Variants in DENND5A observed in about 807,000 individuals in gnomAD.
The protein encoded by DENND5A is DENN domain containing 5A, also known as DENN domain-containing protein 5A.
Under a neutral mutation model 140.3 loss-of-function variants are expected in DENND5A, and 64 were observed. The ratio of observed to expected loss-of-function variants is 0.46; its 90% CI spans 0.37 to 0.56. DENND5A has a LOEUF of 0.56. Ranked by LOEUF, DENND5A falls within the 20% of genes least tolerant of loss-of-function variation. The pLI, the probability that DENND5A is intolerant of heterozygous loss-of-function variation, is 0.00. For synonymous variants in DENND5A, 605 were observed against 607.7 expected (o/e 1.00, Z 0.07); for missense variants, 1,292 against 1,593.8 (o/e 0.81, Z 3.22).
chr11:9,142,395 G>C (rs1403062648), intron 21 of DENND5A, among the ~76,000 whole-genome samples: 1 of 152,192 alleles, frequency 6.6e-6, no homozygotes, highest in South Asian at 2.1e-4. Flanking sequence ...CCATATGGGT[G>C]CAACACAGGG....
chr11:9,178,455 G>T (rs1848618133), intron 7 of DENND5A, 89 bp from the exon 8 acceptor site: 1 of 788,318 alleles, frequency 1.3e-6, no homozygotes. Context: ...TATTCTCTGA[G>T]GCTGCCTAGG....
intron 1 of DENND5A, among the ~76,000 whole-genome samples, chr11:9,238,337 G>A (rs865995694): frequency 2.2e-5 from 3 of 137,242 alleles, no homozygotes; most frequent in Non-Finnish European, 4.6e-5. Context: ...TCTGGGTGAT[G>A]ATTAAATGCA....
At chr11:9,250,929 T>C (rs763657172) in intron 1 of DENND5A, among the ~76,000 whole-genome samples, 1 of 151,434 alleles carries the variant, frequency 6.6e-6, no homozygotes, top group Non-Finnish European at 1.5e-5. Flanking sequence ...AGGTCAGGAG[T>C]TCGAGGCCAG....
At chr11:9,224,848 A>C (rs1307221094) in intron 1 of DENND5A, among the ~76,000 whole-genome samples, 3 of 138,606 alleles carry the variant, frequency 2.2e-5, no homozygotes, top group Non-Finnish European at 4.6e-5. Flanking sequence ...ACAGAGCAAG[A>C]CTCCATCCAA....
At chr11:9,232,397 G>C (rs1458378681) in intron 1 of DENND5A, among the ~76,000 whole-genome samples, 2 of 151,898 alleles carry the variant, frequency 1.3e-5, no homozygotes, top group Non-Finnish European at 2.9e-5. Flanking sequence ...AAGAAAAAAA[G>C]ATCACTCAAA....
rs757836167 is a variant in DENND5A at position 9,145,803 on chromosome 11, T to C, written c.2870A>G (p.His957Arg). The change falls in exon 17 of 23, where the codon CAC (histidine) becomes CGC (arginine). Residue 957 changes from histidine (H) to arginine (R), a missense_variant. Around this residue, in one of 4 missense-constraint regions of DENND5A, gnomAD observed 498 missense variants for 689.7 expected, o/e 0.72. Coordinates refer to ENST00000328194, the MANE Select transcript of DENND5A (RefSeq NM_015213.4). ...NVFTTILIPY[H>R]ILIVPSKKLG... ...CTTCTTGCTTGGTACGATCAGAATGTGGTACGGGATCACTGTTTAGGGGAA... is the reference window on the plus strand; with the variant it reads ...CTTCTTGCTTGGTACGATCAGAATGCGGTACGGGATCACTGTTTAGGGGAA... 3.7e-6 allele frequency: 6 copies of C among 1,614,186 alleles called. No individual in the cohort carries two copies. The African/African-American group carries it at 8.0e-5, about 22-fold the overall frequency.
chr11:9,165,054 C>A (rs573199996), intron 11 of DENND5A, among the ~76,000 whole-genome samples: 64 of 152,294 alleles, frequency 4.2e-4, no homozygotes, highest in Admixed American at 1.8e-3. Context: ...GGCTGGAGTG[C>A]AATGGCGCGA....
chr11:9,151,935 C>A (rs529578909), intron 13 of DENND5A, among the ~76,000 whole-genome samples: 7 of 152,170 alleles, frequency 4.6e-5, no homozygotes, highest in Non-Finnish European at 8.8e-5. Context: ...ATCATTCACA[C>A]CAGGACTTGA....
chr11:9,256,297 T>TA (rs1440736374), intron 1 of DENND5A, among the ~76,000 whole-genome samples: 1 of 151,850 alleles, frequency 6.6e-6, no homozygotes, highest in Non-Finnish European at 1.5e-5. Context: ...CCGTCTCTAC[T>TA]AAAAATACAA....
intron 12 of DENND5A, among the ~76,000 whole-genome samples, chr11:9,158,981 C>G (rs1285132294): frequency 1.3e-5 from 2 of 152,190 alleles, no homozygotes; most frequent in Non-Finnish European, 1.5e-5. Context: ...CCAAAAGACA[C>G]TCCATATGCA....
intron 8 of DENND5A, chr11:9,171,022 G>A: frequency 1.8e-6 from 1 of 568,826 alleles, no homozygotes; most frequent in South Asian, 2.2e-5. Flanking sequence ...AACAAATGAG[G>A]TAACCCCTAG....
At chr11:9,153,368 A>G (rs1590212109) in intron 12 of DENND5A, among the ~76,000 whole-genome samples, 1 of 151,418 alleles carries the variant, frequency 6.6e-6, no homozygotes, top group Non-Finnish European at 1.5e-5. Context: ...AAAAAAAAAA[A>G]AAGAAGCAAA....
At chr11:9,186,845 C>A (rs558968049) in intron 5 of DENND5A, among the ~76,000 whole-genome samples, 1 of 152,304 alleles carries the variant, frequency 6.6e-6, no homozygotes, top group Non-Finnish European at 1.5e-5. Flanking sequence ...CTTTGGGAGG[C>A]TGAGGCGGGC....
Position 9,160,757 on chromosome 11 carries a change from C to G in DENND5A, c.2392G>C (p.Asp798His). ...TGACTCCAGATCCTTTCCAGGAGAT[C>G]ACAAAGGCTGGCAATCAGGGTGTTC... ...EENTLIASLC[D>H]LLERIWSHGL... Residue 798 changes from aspartate (D) to histidine (H), a missense_variant, in exon 12 of 23, where the codon GAT becomes CAT. Physicochemically the swap from Asp to His is moderately conservative, Grantham distance 81. Coordinates refer to ENST00000328194, the MANE Select transcript of DENND5A (RefSeq NM_015213.4). The G allele has an allele frequency of 1.9e-6, 3 of 1,613,622 alleles. No homozygotes were observed. The highest frequency in any genetic ancestry group is 2.5e-6 in the Non-Finnish European group (3 of 1,179,616).
At position 9,178,915 on chromosome 11, in the gene DENND5A, G is replaced by A. The variant is rs1247863194; in HGVS notation, c.1614C>T (p.Pro538=). Residue 538 remains proline (P), a synonymous_variant, in exon 7 of 23, where the codon CCC becomes CCT. Coordinates refer to ENST00000328194, the MANE Select transcript of DENND5A (RefSeq NM_015213.4). ...TAAACCAGGATTCCTTATCCTGGCT[G>A]GGTTGGATGACAAACACCTCATAAT... is the stretch of plus-strand genomic sequence containing the variant. The part of the protein sequence containing the change: ...FADYEVFVIQ[P]SQDKESWFTN... The A allele has an allele frequency of 6.2e-7, 1 of 1,613,956 alleles. No individual in the cohort carries two copies. Among genetic ancestry groups the A allele is most frequent in the African/African-American group, 1.3e-5 (1 of 74,906 alleles).
chr11:9,139,993 C>A, intron 22 of DENND5A, 139 bp from the exon 23 acceptor site: 1 of 1,009,338 alleles, frequency 9.9e-7, no homozygotes, highest in Non-Finnish European at 1.4e-6. Context: ...CCCCCTTTCC[C>A]AAACAGGGAC....
chr11:9,248,515 T>G (rs1851575405), intron 1 of DENND5A, among the ~76,000 whole-genome samples: 1 of 151,584 alleles, frequency 6.6e-6, no homozygotes, highest in Admixed American at 6.6e-5. Flanking sequence ...ATGAGACAGG[T>G]GTGGTGGCAT....
In DENND5A at chr11:9,180,966, C is replaced by T. The variant is rs758322402; in HGVS notation, c.1256G>A (p.Gly419Glu). The T allele has an allele frequency of 2.9e-5, 47 of 1,613,986 alleles. No individual in the cohort carries two copies. The highest frequency in any genetic ancestry group is 3.6e-5 in the Non-Finnish European group (43 of 1,180,032). ...ATGAAGATTCCCTTCAGGGGGAATT[C>T]CAAATGCCATGAGAATCTCAGAGAC... is the stretch of plus-strand genomic sequence containing the variant. The part of the protein sequence containing the change: ...QEVSEILMAF[G>E]IPPEGNLHCS... The change falls in exon 6 of 23, where the codon GGA becomes GAA. Residue 419 changes from glycine to glutamate, a missense_variant. Around this residue, in one of 4 missense-constraint regions of DENND5A, gnomAD observed 566 missense variants for 650.4 expected, o/e 0.87. Transcript: ENST00000328194.
At chr11:9,200,080 G>A (rs982302834) in intron 4 of DENND5A, among the ~76,000 whole-genome samples, 3 of 152,084 alleles carry the variant, frequency 2.0e-5, no homozygotes, top group African/African-American at 4.8e-5. Flanking sequence ...TCTTATTATG[G>A]ATACAGTAAC....
Sources: gnomAD v4.1 joint callset for allele counts (sites outside exome capture counted in the v4.1 genomes callset) on GRCh38, gnomAD v4.1.1 for gene constraint, gnomAD v4.1.1 regional missense constraint, MANE v1.5 for transcripts, NCBI Gene and HGNC (gene_info 2026-07-23, HGNC 2026-07-21) for gene names.